Variants in UNC5D observed in about 807,000 individuals in gnomAD.
UNC5D encodes the protein unc-5 netrin receptor D.
A neutral mutation model predicts 105.4 loss-of-function variants in UNC5D; 39 were observed. The ratio of observed to expected loss-of-function variants is 0.37; its 90% CI spans 0.29 to 0.48. The LOEUF (loss-of-function observed/expected upper bound fraction) is 0.48. Among genes scored for constraint, UNC5D ranks in the 20% least tolerant of loss-of-function variants. UNC5D has a pLI of 0.98. For missense variants in UNC5D, 991 were observed against 1,202.4 expected (o/e 0.82, Z 2.60); for synonymous variants, 452 against 450.4 (o/e 1.00, Z -0.04).
chr8:35,728,920 T>C (rs575044896), intron 10 of UNC5D, among the ~76,000 whole-genome samples: 2 of 152,324 alleles, frequency 1.3e-5, no homozygotes, highest in South Asian at 4.1e-4. Context: ...AATTCTACTT[T>C]AGAGGATCAC....
At chr8:35,674,397 G>A (rs914868304) in intron 4 of UNC5D, among the ~76,000 whole-genome samples, 2 of 152,112 alleles carry the variant, frequency 1.3e-5, no homozygotes, top group African/African-American at 4.8e-5. Flanking sequence ...ATGTGTGTGA[G>A]TGTGTTTGTG....
intron 11 of UNC5D, among the ~76,000 whole-genome samples, chr8:35,736,877 C>T (rs1309613135): frequency 6.6e-6 from 1 of 152,110 alleles, no homozygotes; most frequent in Non-Finnish European, 1.5e-5. Context: ...CGATGTTTGC[C>T]ACCCAGAGAA....
intron 1 of UNC5D, among the ~76,000 whole-genome samples, chr8:35,472,638 C>A (rs7825076): frequency 0.016 from 2,436 of 152,244 alleles, 71 homozygotes; most frequent in African/African-American, 0.056. Flanking sequence ...ATTTCTATCA[C>A]CATAAAGCCC....
At chr8:35,518,623 A>G (rs892816641) in intron 1 of UNC5D, among the ~76,000 whole-genome samples, 6 of 152,212 alleles carry the variant, frequency 3.9e-5, no homozygotes, top group African/African-American at 1.4e-4. Context: ...TCTGGAAAAC[A>G]TGTAGAACAT....
At chr8:35,596,527 G>C (rs558680317) in intron 4 of UNC5D, among the ~76,000 whole-genome samples, 2 of 152,252 alleles carry the variant, frequency 1.3e-5, no homozygotes, top group Middle Eastern at 3.4e-3. Context: ...TTGAGGATGC[G>C]TGCCCATGAC....
At chr8:35,488,144 T>C (rs921675305) in intron 1 of UNC5D, among the ~76,000 whole-genome samples, 1 of 152,178 alleles carries the variant, frequency 6.6e-6, no homozygotes, top group Non-Finnish European at 1.5e-5. Context: ...CTGGAGAGCA[T>C]ACCAAAGGTG....
At chr8:35,271,738 TATATTTATACATGTATAC>T (rs1805406196) in intron 1 of UNC5D, among the ~76,000 whole-genome samples, 2 of 127,574 alleles carry the variant, frequency 1.6e-5, no homozygotes, top group Non-Finnish European at 3.4e-5. Context: ...TGTATACATA[TATATTTATACATGTATAC>T]ATGTATACAT....
intron 10 of UNC5D, among the ~76,000 whole-genome samples, chr8:35,728,690 C>CATCCTAAATT (rs1420601814): frequency 1.3e-5 from 2 of 152,158 alleles, no homozygotes; most frequent in African/African-American, 4.8e-5. Context: ...TAATGCCATC[C>CATCCTAAATT]ATCCTAAATT....
At chr8:35,482,960 G>A (rs377763946) in intron 1 of UNC5D, among the ~76,000 whole-genome samples, 6 of 151,424 alleles carry the variant, frequency 4.0e-5, no homozygotes, top group Admixed American at 6.6e-5. Context: ...CTGCCACCAC[G>A]CCCGGCTAAT....
intron 1 of UNC5D, among the ~76,000 whole-genome samples, chr8:35,295,942 G>T (rs554187080): frequency 1.1e-4 from 16 of 152,034 alleles, no homozygotes; most frequent in Non-Finnish European, 2.2e-4. Flanking sequence ...TTCCCTGTCA[G>T]GCTTATTTTA....
intron 4 of UNC5D, among the ~76,000 whole-genome samples, chr8:35,606,654 C>G (rs1004579489): frequency 3.3e-5 from 5 of 152,186 alleles, no homozygotes; most frequent in Non-Finnish European, 5.9e-5. Flanking sequence ...TTAGCTCCCA[C>G]TTACCACCCC....
intron 1 of UNC5D, among the ~76,000 whole-genome samples, chr8:35,458,680 C>T (rs557481369): frequency 6.6e-5 from 10 of 152,194 alleles, no homozygotes; most frequent in Admixed American, 2.0e-4. Flanking sequence ...AGAGGTGCTC[C>T]GAGTGGATAT....
intron 1 of UNC5D, among the ~76,000 whole-genome samples, chr8:35,338,371 T>A (rs1041950781): frequency 1.3e-5 from 2 of 152,130 alleles, no homozygotes; most frequent in Non-Finnish European, 2.9e-5. Flanking sequence ...TTTTCAGCAA[T>A]GTTCATTTAA....
rs1017240771 is a variant in UNC5D at position 35,726,241 on chromosome 8, G to A, written c.1393G>A (p.Asp465Asn). 6.2e-7 allele frequency: 1 copy of A among 1,614,106 alleles called. No individual in the cohort carries two copies. The highest frequency in any genetic ancestry group is 8.5e-7 in the Non-Finnish European group (1 of 1,180,012). Residue 465 changes from aspartate to asparagine, a missense_variant, in exon 10 of 17, where the codon GAC becomes AAC. By Grantham distance (23) the Asp-to-Asn change is conservative (BLOSUM62 1). This residue lies in a region of UNC5D where 944 missense variants were observed against 1,131.6 expected (regional missense o/e 0.83). Transcript: ENST00000404895. ...ACCCATCTGTCTGCAGGACCCTCTG[G>A]ACAAGGAGCTCATGACAGAGTCCTC... Reference protein sequence around the residue: ...SGPICLQDPLDKELMTESSLF... With the variant: ...SGPICLQDPLNKELMTESSLF...
At chr8:35,503,930 A>G (rs1214560444) in intron 1 of UNC5D, among the ~76,000 whole-genome samples, 2 of 152,248 alleles carry the variant, frequency 1.3e-5, no homozygotes, top group African/African-American at 2.4e-5. Flanking sequence ...CATTTAAAAT[A>G]TACGACTTAA....
chr8:35,257,408 G>C (rs562857613), intron 1 of UNC5D, among the ~76,000 whole-genome samples: 2 of 152,276 alleles, frequency 1.3e-5, no homozygotes, highest in East Asian at 3.9e-4. Context: ...GCACTGGTCT[G>C]CCAGCAGGCA....
At chr8:35,371,707 C>G (rs921193066) in intron 1 of UNC5D, among the ~76,000 whole-genome samples, 2 of 152,170 alleles carry the variant, frequency 1.3e-5, no homozygotes, top group African/African-American at 4.8e-5. Flanking sequence ...GTCTGTTTCT[C>G]TGGCCATTTC....
rs538922464 is a variant in UNC5D, at chr8:35,290,302, C to T, written c.103+54415C>T. 9.9e-5 allele frequency among the ~76,000 whole-genome samples: 15 copies of T among 152,244 alleles called. No individual in the cohort carries two copies. In the East Asian group the frequency reaches 2.7e-3, roughly 28 times the overall value. The stretch of plus-strand genomic sequence containing the variant: ...AAAGATGGTGTATATACATAATAAA[C>T]TACTCTTAGACCTTAAAAAAGGGGA... On this transcript the variant is annotated intron_variant, in intron 1 of 16. Coordinates refer to ENST00000404895, the MANE Select transcript of UNC5D (RefSeq NM_080872.4).
Position 35,795,812 on chromosome 8 carries a change from TG to T in UNC5D, c.*5251del, listed in dbSNP as rs1803231440. 1 of 152,158 alleles carries T rather than the reference TG, an allele frequency of 6.6e-6. No homozygotes were observed. Among genetic ancestry groups the T allele is most frequent in the East Asian group, 1.9e-4 (1 of 5,178 alleles). 9.4% of individuals were successfully genotyped at this position (152,158 alleles called of 1,614,324 possible). On this transcript the variant is annotated 3_prime_UTR_variant, in exon 17 of 17. Coordinates refer to ENST00000404895, the MANE Select transcript of UNC5D (RefSeq NM_080872.4). ...AGAACAATGTTCTCCTTTTCCAAAT[TG>T]GAATAAAGACTCAGAATTACCCATT...
Sources: allele counts gnomAD v4.1 joint callset (sites outside exome capture counted in the v4.1 genomes callset), GRCh38; gene constraint gnomAD v4.1.1; regional missense constraint gnomAD v4.1.1; transcripts MANE v1.5; gene names NCBI Gene and HGNC (gene_info 2026-07-23, HGNC 2026-07-21).